Variants in NLGN1 observed in about 807,000 individuals in gnomAD.
NLGN1 encodes the protein neuroligin 1.
In NLGN1, 12 loss-of-function variants were observed where a neutral mutation model predicts 65.5. The observed-to-expected ratio is 0.18, with a 90% CI of 0.12 to 0.30. The LOEUF (loss-of-function observed/expected upper bound fraction) is 0.30. Ranked by LOEUF, NLGN1 falls within the 10% of genes least tolerant of loss-of-function variation. The pLI, the probability that NLGN1 is intolerant of heterozygous loss-of-function variation, is 1.00. For missense variants in NLGN1, 750 were observed against 1,007.1 expected (o/e 0.74, Z 3.46); for synonymous variants, 350 against 359.5 (o/e 0.97, Z 0.30).
At chr3:174,259,759 G>C (rs988077781) in intron 4 of NLGN1, among the ~76,000 whole-genome samples, 2 of 150,516 alleles carry the variant, frequency 1.3e-5, no homozygotes, top group African/African-American at 4.9e-5. Flanking sequence ...ATGTATACAT[G>C]TGCCATGCTG....
At chr3:173,544,724 G>A (rs990113547) in intron 2 of NLGN1, among the ~76,000 whole-genome samples, 3 of 152,068 alleles carry the variant, frequency 2.0e-5, no homozygotes, top group Non-Finnish European at 4.4e-5. Flanking sequence ...GGAATTTTCA[G>A]TACATAGGTG....
chr3:173,483,781 G>A (rs1727696099), intron 2 of NLGN1, among the ~76,000 whole-genome samples: 1 of 152,128 alleles, frequency 6.6e-6, no homozygotes, highest in Non-Finnish European at 1.5e-5. Context: ...CTGTGGATAA[G>A]AGAAGCCATT....
At chr3:173,523,290 T>C (rs1735074476) in intron 2 of NLGN1, among the ~76,000 whole-genome samples, 1 of 151,790 alleles carries the variant, frequency 6.6e-6, no homozygotes, top group Non-Finnish European at 1.5e-5. Flanking sequence ...TTTGTTTTTG[T>C]TGCATTTGCC....
intron 4 of NLGN1, among the ~76,000 whole-genome samples, chr3:174,024,834 A>G (rs997138748): frequency 6.6e-6 from 1 of 152,198 alleles, no homozygotes; most frequent in Non-Finnish European, 1.5e-5. Context: ...ATTTGGCTCT[A>G]ATAGTGATGC....
chr3:173,964,382 T>A (rs981248136), intron 4 of NLGN1, among the ~76,000 whole-genome samples: 1 of 152,194 alleles, frequency 6.6e-6, no homozygotes, highest in East Asian at 1.9e-4. Flanking sequence ...GCAGCTGTTA[T>A]ATTTGTGCAT....
intron 4 of NLGN1, among the ~76,000 whole-genome samples, chr3:174,164,446 A>AT (rs1727136170): frequency 6.6e-6 from 1 of 151,622 alleles, no homozygotes; most frequent in African/African-American, 2.4e-5. Flanking sequence ...CCACTTGTCA[A>AT]TTTTTGGCTT....
At chr3:173,525,718 C>A (rs1261336315) in intron 2 of NLGN1, among the ~76,000 whole-genome samples, 1 of 151,984 alleles carries the variant, frequency 6.6e-6, no homozygotes, top group South Asian at 2.1e-4. Flanking sequence ...TTCTATCTTT[C>A]TGATGTAGGC....
chr3:174,178,967 G>T (rs1022922926), intron 4 of NLGN1, among the ~76,000 whole-genome samples: 1 of 151,992 alleles, frequency 6.6e-6, no homozygotes, highest in Non-Finnish European at 1.5e-5. Context: ...AAGAATACAT[G>T]ATTCAAATTC....
At chr3:174,074,832 C>T (rs1740576880) in intron 4 of NLGN1, among the ~76,000 whole-genome samples, 1 of 152,174 alleles carries the variant, frequency 6.6e-6, no homozygotes, top group Admixed American at 6.6e-5. Flanking sequence ...GTTAAGCAGT[C>T]CGTTACACAG....
intron 4 of NLGN1, among the ~76,000 whole-genome samples, chr3:174,076,706 AGAGAGAGAGAGAGAGAGAGTGTGTGT>A (rs1476768554): frequency 1.4e-5 from 2 of 144,914 alleles, no homozygotes; most frequent in African/African-American, 5.4e-5. Context: ...AGAGAGAGAG[AGAGAGAGAGAGAGAGAGAGTGTGTGT>A]GTGTGTGTGT....
At chr3:173,519,261 C>A (rs78192100) in intron 2 of NLGN1, among the ~76,000 whole-genome samples, 1 of 152,226 alleles carries the variant, frequency 6.6e-6, no homozygotes, top group Non-Finnish European at 1.5e-5. Flanking sequence ...AGAACCTCTA[C>A]TAGGGCAGCA....
intron 2 of NLGN1, among the ~76,000 whole-genome samples, chr3:173,482,540 T>C (rs771410064): frequency 2.1e-4 from 32 of 151,964 alleles, no homozygotes; most frequent in Non-Finnish European, 3.1e-4. Flanking sequence ...TCTCAAAATA[T>C]GATGTAGAAA....
chr3:173,563,120 A>G (rs1743050598), intron 2 of NLGN1, among the ~76,000 whole-genome samples: 1 of 152,240 alleles, frequency 6.6e-6, no homozygotes, highest in African/African-American at 2.4e-5. Flanking sequence ...ATAATCATTC[A>G]CTGAATGAAA....
intron 4 of NLGN1, among the ~76,000 whole-genome samples, chr3:173,862,547 T>C (rs1285826036): frequency 1.1e-4 from 16 of 139,560 alleles, no homozygotes; most frequent in Non-Finnish European, 2.2e-4. Flanking sequence ...GAAAACATAA[T>C]ACATATAATT....
intron 4 of NLGN1, among the ~76,000 whole-genome samples, chr3:174,209,623 CT>C (rs796169913): frequency 9.2e-3 from 758 of 82,068 alleles, no homozygotes; most frequent in Non-Finnish European, 0.013. Context: ...ACCTTTCTTT[CT>C]TTTTTTTTTT....
intron 2 of NLGN1, among the ~76,000 whole-genome samples, chr3:173,502,508 A>G (rs1436512602): frequency 6.6e-6 from 1 of 152,110 alleles, no homozygotes; most frequent in African/African-American, 2.4e-5. Context: ...CACAAAAGGG[A>G]TACATAGTTT....
intron 3 of NLGN1, among the ~76,000 whole-genome samples, chr3:173,782,726 C>T (rs1477679609): frequency 1.3e-5 from 2 of 150,106 alleles, no homozygotes; most frequent in African/African-American, 4.9e-5. Flanking sequence ...GTTCTTACCA[C>T]CCATGATTTT....
chr3:174,086,234 C>CATATATATTTATGTATGTGCATACATAT (rs1553930279), intron 4 of NLGN1, among the ~76,000 whole-genome samples: 7 of 3,672 alleles, frequency 1.9e-3, no homozygotes, highest in Admixed American at 0.011. Flanking sequence ...TGTATGTGCA[C>CATATATATTTATGTATGTGCATACATAT]ATATATATTT....
intron 2 of NLGN1, among the ~76,000 whole-genome samples, chr3:173,530,950 C>A (rs369745809): frequency 1.8e-4 from 28 of 152,060 alleles, no homozygotes; most frequent in African/African-American, 4.8e-4. Context: ...CTTTAATTGA[C>A]ATAATTTTCC....
Sources: allele counts gnomAD v4.1 joint callset (sites outside exome capture counted in the v4.1 genomes callset), GRCh38; gene constraint gnomAD v4.1.1; transcripts MANE v1.5; gene names NCBI Gene and HGNC (gene_info 2026-07-23, HGNC 2026-07-21).